The following ASIC2 variants were observed in gnomAD, a reference collection of about 807,000 sequenced individuals.
ASIC2 encodes the protein acid-sensing ion channel 2.
ASIC2 carries 25 observed loss-of-function variants against 57.3 expected under a neutral mutation model. The observed-to-expected ratio is 0.44, with a 90% confidence interval of 0.32 to 0.61. The LOEUF (loss-of-function observed/expected upper bound fraction) is 0.61. Ranked by LOEUF, ASIC2 falls within the 20% of genes least tolerant of loss-of-function variation. The pLI, the probability that ASIC2 is intolerant of heterozygous loss-of-function variation, is 0.06. For synonymous variants in ASIC2, 319 were observed against 307.5 expected (o/e 1.04, Z -0.39); for missense variants, 641 against 738.1 (o/e 0.87, Z 1.52).
intron 1 of ASIC2, among the ~76,000 whole-genome samples, chr17:33,599,278 A>T (rs1304669484): frequency 1.3e-5 from 2 of 152,234 alleles, no homozygotes; most frequent in African/African-American, 2.4e-5. Context: ...GGAACAAAAG[A>T]TACCTCTTGC....
chr17:34,012,327 T>C (rs530815505), intron 1 of ASIC2, among the ~76,000 whole-genome samples: 1 of 152,282 alleles, frequency 6.6e-6, no homozygotes, highest in East Asian at 1.9e-4. Context: ...TCCCAGCATC[T>C]TTATAGCCTA....
At chr17:33,111,891 A>T in intron 2 of ASIC2, 26 bp downstream of exon 2, 1 of 1,594,570 alleles carries the variant, frequency 6.3e-7, no homozygotes, top group Non-Finnish European at 8.5e-7. Flanking sequence ...CCATCACCCA[A>T]TGCCCGGTCC....
intron 1 of ASIC2, among the ~76,000 whole-genome samples, chr17:33,650,236 C>T (rs1002000034): frequency 6.6e-6 from 1 of 152,088 alleles, no homozygotes; most frequent in Non-Finnish European, 1.5e-5. Flanking sequence ...GAAAAATGCT[C>T]GACATCATTA....
At chr17:33,966,050 C>G (rs1256052915) in intron 1 of ASIC2, among the ~76,000 whole-genome samples, 1 of 152,204 alleles carries the variant, frequency 6.6e-6, no homozygotes, top group Non-Finnish European at 1.5e-5. Flanking sequence ...AGAACCCAAG[C>G]CCCTGTACAT....
At chr17:33,334,623 T>C (rs1186520620) in intron 1 of ASIC2, among the ~76,000 whole-genome samples, 2 of 152,180 alleles carry the variant, frequency 1.3e-5, no homozygotes, top group African/African-American at 2.4e-5. Context: ...AAAGGGAGTA[T>C]CTTTAGCTCT....
intron 1 of ASIC2, among the ~76,000 whole-genome samples, chr17:33,456,871 G>T (rs1912469668): frequency 6.6e-6 from 1 of 152,286 alleles, no homozygotes; most frequent in South Asian, 2.1e-4. Flanking sequence ...GTAAAATGGG[G>T]ATAGTACGAG....
intron 1 of ASIC2, among the ~76,000 whole-genome samples, chr17:34,115,811 C>T (rs1359881127): frequency 6.6e-6 from 1 of 152,194 alleles, no homozygotes; most frequent in Non-Finnish European, 1.5e-5. Context: ...GACCAACACT[C>T]CCCTTATTCA....
chr17:33,260,963 G>T (rs1909257902), intron 1 of ASIC2, among the ~76,000 whole-genome samples: 1 of 152,180 alleles, frequency 6.6e-6, no homozygotes, highest in Non-Finnish European at 1.5e-5. Flanking sequence ...ACCCTTTTAA[G>T]CCTCTCCAAC....
intron 1 of ASIC2, among the ~76,000 whole-genome samples, chr17:33,788,901 G>C (rs551372331): frequency 2.0e-5 from 3 of 152,238 alleles, no homozygotes; most frequent in South Asian, 4.2e-4. Flanking sequence ...GGGCCTGTTG[G>C]GGGGGTTGGG....
chr17:33,964,872 G>A (rs1161950667), intron 1 of ASIC2, among the ~76,000 whole-genome samples: 2 of 152,192 alleles, frequency 1.3e-5, no homozygotes, highest in Non-Finnish European at 2.9e-5. Context: ...CTTGGGGAAA[G>A]TTGCTGTTCT....
At chr17:33,788,409 G>T (rs1183269237) in intron 1 of ASIC2, among the ~76,000 whole-genome samples, 3 of 152,144 alleles carry the variant, frequency 2.0e-5, no homozygotes, top group Non-Finnish European at 4.4e-5. Flanking sequence ...AAAAATAGAT[G>T]CTGGAGAGAT....
At chr17:33,579,765 C>A (rs182457243) in intron 1 of ASIC2, among the ~76,000 whole-genome samples, 1 of 152,144 alleles carries the variant, frequency 6.6e-6, no homozygotes, top group Non-Finnish European at 1.5e-5. Flanking sequence ...AAAACTCATT[C>A]AGAAGAGCAA....
At chr17:34,054,953 A>G (rs1414237495) in intron 1 of ASIC2, among the ~76,000 whole-genome samples, 1 of 152,234 alleles carries the variant, frequency 6.6e-6, no homozygotes, top group Non-Finnish European at 1.5e-5. Flanking sequence ...AGAAGAAAAC[A>G]ATCATGTGAA....
At chr17:33,896,126 G>A (rs1915089099) in intron 1 of ASIC2, among the ~76,000 whole-genome samples, 1 of 152,204 alleles carries the variant, frequency 6.6e-6, no homozygotes, top group Non-Finnish European at 1.5e-5. Context: ...TCTAGGCAAA[G>A]ATATGTTAAT....
At chr17:33,035,027 T>G (rs1487779940) in intron 3 of ASIC2, among the ~76,000 whole-genome samples, 3 of 152,176 alleles carry the variant, frequency 2.0e-5, no homozygotes, top group Admixed American at 6.5e-5. Flanking sequence ...CTTTTTTCTC[T>G]TTATGTATTA....
chr17:33,078,346 C>A (rs2092098176), intron 3 of ASIC2, among the ~76,000 whole-genome samples: 1 of 152,232 alleles, frequency 6.6e-6, no homozygotes, highest in South Asian at 2.1e-4. Context: ...AGCACCATTT[C>A]TAGCTTATCC....
At chr17:33,799,447 T>TTTCTTTCTTTCC (rs1912054344) in intron 1 of ASIC2, among the ~76,000 whole-genome samples, 1 of 87,946 alleles carries the variant, frequency 1.1e-5, no homozygotes. Flanking sequence ...TCTTTCTTTC[T>TTTCTTTCTTTCC]TTCTTTCTTT....
intron 1 of ASIC2, among the ~76,000 whole-genome samples, chr17:33,662,493 G>A (rs1209600298): frequency 6.6e-6 from 1 of 151,176 alleles, no homozygotes; most frequent in Non-Finnish European, 1.5e-5. Context: ...TGGTGGGGGG[G>A]GCACCTGTAA....
At chr17:33,417,980 C>T (rs1910909669) in intron 1 of ASIC2, among the ~76,000 whole-genome samples, 1 of 150,746 alleles carries the variant, frequency 6.6e-6, no homozygotes, top group Admixed American at 6.6e-5. Context: ...ACCCAGCTAT[C>T]TTGGAATCGG....
Sources: allele counts gnomAD v4.1 joint callset (sites outside exome capture counted in the v4.1 genomes callset), GRCh38; gene constraint gnomAD v4.1.1; transcripts MANE v1.5; gene names NCBI Gene and HGNC (gene_info 2026-07-23, HGNC 2026-07-21).